Variants in COG5 observed in about 807,000 individuals in gnomAD.
COG5 encodes component of oligomeric golgi complex 5, also known as conserved oligomeric Golgi complex subunit 5.
COG5 carries 86 observed loss-of-function variants against 110.4 expected under a neutral mutation model. That is an observed-to-expected ratio of 0.78 (90% CI 0.65 to 0.93). COG5 has a LOEUF of 0.93. Ranked by LOEUF, COG5 falls within the 40% of genes least tolerant of loss-of-function variation. The pLI, the probability that COG5 is intolerant of heterozygous loss-of-function variation, is 0.00. For missense variants in COG5, 1,077 were observed against 987.0 expected, an observed-to-expected ratio of 1.09 and a Z score of -1.22; for synonymous variants, 360 against 334.6, an observed-to-expected ratio of 1.08 and a Z score of -0.83.
At chr7:107,436,040 A>G (rs999681026) in intron 6 of COG5, among the ~76,000 whole-genome samples, 2 of 152,248 alleles carry the variant, frequency 1.3e-5, no homozygotes, top group African/African-American at 4.8e-5. Flanking sequence ...ATATGCACAG[A>G]AAGAGAAATA....
intron 3 of COG5, 55 bp downstream of exon 3, chr7:107,554,230 C>T: frequency 6.5e-7 from 1 of 1,529,694 alleles, no homozygotes; most frequent in Non-Finnish European, 9.1e-7. Flanking sequence ...CTTGCCAAAG[C>T]TTGCCAATCC....
intron 6 of COG5, among the ~76,000 whole-genome samples, chr7:107,508,966 T>C (rs185334416): frequency 6.6e-6 from 1 of 152,028 alleles, no homozygotes; most frequent in East Asian, 1.9e-4. Context: ...GCAGAAACAC[T>C]GGAAACCCTA....
intron 7 of COG5, among the ~76,000 whole-genome samples, chr7:107,399,178 G>T (rs946881320): frequency 6.6e-6 from 1 of 151,990 alleles, no homozygotes; most frequent in South Asian, 2.1e-4. Context: ...TTCCAACCTG[G>T]GTGACAGAGC....
intron 5 of COG5, among the ~76,000 whole-genome samples, chr7:107,530,622 A>AAAAAC (rs1563085257): frequency 2.6e-5 from 4 of 151,228 alleles, no homozygotes; most frequent in African/African-American, 9.7e-5. Context: ...AAAAAAAAAA[A>AAAAAC]AAAACACAGT....
chr7:107,393,410 C>T (rs1039500165), intron 7 of COG5, among the ~76,000 whole-genome samples: 4 of 152,300 alleles, frequency 2.6e-5, no homozygotes, highest in South Asian at 2.1e-4. Flanking sequence ...ACTTTCTCCC[C>T]GTGATCAATA....
chr7:107,226,663 T>C (rs1331817314), intron 19 of COG5, among the ~76,000 whole-genome samples: 2 of 152,198 alleles, frequency 1.3e-5, no homozygotes, highest in African/African-American at 4.8e-5. Context: ...ACATCTCTCT[T>C]CTTCTCATCT....
At chr7:107,529,659 G>C (rs189034652) in intron 5 of COG5, among the ~76,000 whole-genome samples, 1 of 152,180 alleles carries the variant, frequency 6.6e-6, no homozygotes, top group Non-Finnish European at 1.5e-5. Flanking sequence ...TAAAGTCCTC[G>C]GATCAAGGTT....
At chr7:107,230,753 G>C in intron 18 of COG5, 62 bp from the exon 19 acceptor site, 1 of 1,293,678 alleles carries the variant, frequency 7.7e-7, no homozygotes, top group Non-Finnish European at 1.1e-6. Context: ...ATTTGGGAAA[G>C]ACCCGGATCA....
chr7:107,342,728 C>G (rs1328318066), intron 10 of COG5, among the ~76,000 whole-genome samples: 1 of 151,896 alleles, frequency 6.6e-6, no homozygotes, highest in Admixed American at 6.6e-5. Context: ...CAGATGCTGA[C>G]GAGGCTGCAG....
intron 19 of COG5, among the ~76,000 whole-genome samples, chr7:107,215,674 A>G (rs758741894): frequency 4.6e-5 from 7 of 152,072 alleles, no homozygotes; most frequent in South Asian, 2.1e-4. Flanking sequence ...CAAACAAACA[A>G]ACAAACAAAC....
intron 7 of COG5, among the ~76,000 whole-genome samples, chr7:107,379,969 A>G (rs1814972182): frequency 6.6e-6 from 1 of 152,208 alleles, no homozygotes; most frequent in African/African-American, 2.4e-5. Context: ...CCAACAGAAT[A>G]TGCATTCTTC....
intron 13 of COG5, among the ~76,000 whole-genome samples, chr7:107,282,998 G>C (rs1198624711): frequency 1.3e-5 from 2 of 152,122 alleles, no homozygotes; most frequent in African/African-American, 4.8e-5. Flanking sequence ...ACTGCAAATT[G>C]GTCTGGATAA....
At chr7:107,400,191 A>C (rs1791321711) in intron 7 of COG5, among the ~76,000 whole-genome samples, 2 of 152,186 alleles carry the variant, frequency 1.3e-5, no homozygotes, top group African/African-American at 4.8e-5. Context: ...ACGTATAAAG[A>C]TACTTCCATA....
intron 6 of COG5, among the ~76,000 whole-genome samples, chr7:107,512,900 G>C (rs1373588252): frequency 6.6e-6 from 1 of 151,812 alleles, no homozygotes; most frequent in East Asian, 1.9e-4. Flanking sequence ...ATTAATTCAA[G>C]ATGGATTAAA....
intron 5 of COG5, among the ~76,000 whole-genome samples, chr7:107,546,745 G>A (rs1802485768): frequency 6.6e-6 from 1 of 152,004 alleles, no homozygotes; most frequent in Non-Finnish European, 1.5e-5. Flanking sequence ...AAACTACTAT[G>A]AACAAATATA....
At chr7:107,477,959 A>T (rs1797089741) in intron 6 of COG5, among the ~76,000 whole-genome samples, 1 of 151,946 alleles carries the variant, frequency 6.6e-6, no homozygotes, top group African/African-American at 2.4e-5. Context: ...AGAATGAAAA[A>T]ATTAAAAATG....
chr7:107,247,530 G>A (rs1307105291), intron 17 of COG5, among the ~76,000 whole-genome samples: 2 of 151,966 alleles, frequency 1.3e-5, no homozygotes, highest in African/African-American at 4.8e-5. Context: ...AGAGAAACAG[G>A]ACTGCTCAAA....
chr7:107,413,786 T>C (rs1439331452), intron 6 of COG5, among the ~76,000 whole-genome samples: 1 of 152,234 alleles, frequency 6.6e-6, no homozygotes, highest in Non-Finnish European at 1.5e-5. Flanking sequence ...AGATATAGCA[T>C]GTATAATACA....
intron 6 of COG5, among the ~76,000 whole-genome samples, chr7:107,521,634 T>C (rs532197425): frequency 2.0e-5 from 3 of 152,132 alleles, no homozygotes; most frequent in South Asian, 2.1e-4. Context: ...CAAGAAACAA[T>C]AGATGCTGAT....
Sources: gnomAD v4.1 joint callset for allele counts (sites outside exome capture counted in the v4.1 genomes callset) on GRCh38, gnomAD v4.1.1 for gene constraint, MANE v1.5 for transcripts, NCBI Gene and HGNC (gene_info 2026-07-23, HGNC 2026-07-21) for gene names.